PLXNA4: variants seen among roughly 807,000 people sequenced by gnomAD.
PLXNA4 encodes plexin-A4.
Under a neutral mutation model 191.8 loss-of-function variants are expected in PLXNA4, and 44 were observed. The observed-to-expected ratio is 0.23, with a 90% confidence interval of 0.18 to 0.29. The LOEUF (loss-of-function observed/expected upper bound fraction) is 0.29. PLXNA4 is among the 10% of genes least tolerant of loss of function. PLXNA4 has a pLI of 1.00. For synonymous variants in PLXNA4, 1,082 were observed against 1,009.5 expected, an observed-to-expected ratio of 1.07 and a Z score of -1.36; for missense variants, 1,800 against 2,488.8, an observed-to-expected ratio of 0.72 and a Z score of 5.89.
chr7:132,617,489 C>T (rs11771982), intron 2 of PLXNA4, among the ~76,000 whole-genome samples: 17,746 of 152,200 alleles, frequency 0.12, 1,159 homozygotes, highest in Non-Finnish European at 0.15. Flanking sequence ...CTATGTCTTC[C>T]TAATGGTAAG....
At chr7:132,639,269 G>A (rs1257848796) in intron 2 of PLXNA4, among the ~76,000 whole-genome samples, 1 of 152,184 alleles carries the variant, frequency 6.6e-6, no homozygotes, top group Admixed American at 6.5e-5. Flanking sequence ...TTAGGCCTTT[G>A]TGCTAATTTT....
chr7:132,611,938 A>G (rs1162171744), intron 2 of PLXNA4, among the ~76,000 whole-genome samples: 1 of 152,136 alleles, frequency 6.6e-6, no homozygotes, highest in African/African-American at 2.4e-5. Context: ...CTGGAGACCA[A>G]GGCTGCTGAC....
At chr7:132,213,767 C>T (rs1393099468) in intron 9 of PLXNA4, among the ~76,000 whole-genome samples, 1 of 152,108 alleles carries the variant, frequency 6.6e-6, no homozygotes, top group Non-Finnish European at 1.5e-5. Context: ...GGCAGCTTTC[C>T]CTCCCCTGAA....
At position 132,444,596 on chromosome 7, in the gene PLXNA4, G is replaced by T. The variant is rs116548101; in HGVS notation, c.1371+44696C>A. Among the ~76,000 whole-genome samples the T allele has an allele frequency of 4.1e-3, 618 of 152,310 alleles. 2 individuals are homozygous for T. The highest frequency in any genetic ancestry group is 0.014 in the African/African-American group (597 of 41,558). On this transcript the variant is annotated intron_variant, in intron 3 of 31. Coordinates refer to ENST00000321063, the MANE Select transcript of PLXNA4 (RefSeq NM_020911.2). The stretch of plus-strand genomic sequence containing the variant: ...CCTTTGAGTATCTTGAATGGCAGGT[G>T]TCATCTAATGAACATGTAAAGGGAC...
At chr7:132,398,908 A>T (rs973465715) in intron 3 of PLXNA4, among the ~76,000 whole-genome samples, 4 of 152,158 alleles carry the variant, frequency 2.6e-5, no homozygotes, top group African/African-American at 9.7e-5. Flanking sequence ...ACCCCACCTC[A>T]GGACACCCAC....
intron 9 of PLXNA4, among the ~76,000 whole-genome samples, chr7:132,219,121 A>G (rs1001726781): frequency 6.6e-6 from 1 of 152,240 alleles, no homozygotes; most frequent in Non-Finnish European, 1.5e-5. Context: ...ACAAAAGGAC[A>G]CTGTCTGCAT....
intron 3 of PLXNA4, among the ~76,000 whole-genome samples, chr7:132,307,744 T>C (rs1801583057): frequency 2.0e-5 from 3 of 152,182 alleles, no homozygotes; most frequent in South Asian, 2.1e-4. Context: ...GCGTAAACCC[T>C]GCTTCTGTGT....
At chr7:132,557,453 CA>C (rs1375235915) in intron 1 of PLXNA4, among the ~76,000 whole-genome samples, 11 of 151,538 alleles carry the variant, frequency 7.3e-5, no homozygotes, top group African/African-American at 1.7e-4. Flanking sequence ...GAAATGGCGG[CA>C]GGGGGGGACG....
At chr7:132,472,981 C>T (rs916706148) in intron 3 of PLXNA4, among the ~76,000 whole-genome samples, 1 of 152,222 alleles carries the variant, frequency 6.6e-6, no homozygotes, top group African/African-American at 2.4e-5. Flanking sequence ...TAAACATTAT[C>T]ATTGTGGAGT....
chr7:132,311,193 T>TGTGTGTGTGTGTGTGC (rs71178034), intron 3 of PLXNA4, among the ~76,000 whole-genome samples: 29 of 89,908 alleles, frequency 3.2e-4, no homozygotes, highest in African/African-American at 1.0e-3. Flanking sequence ...TGTGTGTGTG[T>TGTGTGTGTGTGTGTGC]GCGCGTGTGG....
intron 30 of PLXNA4, among the ~76,000 whole-genome samples, chr7:132,140,278 T>TG (rs1035066091): frequency 1.6e-4 from 24 of 152,258 alleles, no homozygotes; most frequent in African/African-American, 4.3e-4. Flanking sequence ...ATTTATTTTT[T>TG]GGGGGGTGGG....
At chr7:132,586,333 GA>G (rs1234183285) in intron 2 of PLXNA4, among the ~76,000 whole-genome samples, 1 of 152,194 alleles carries the variant, frequency 6.6e-6, no homozygotes, top group East Asian at 1.9e-4. Context: ...CCATCCTAAA[GA>G]AAAAGAAACT....
intron 4 of PLXNA4, among the ~76,000 whole-genome samples, chr7:132,277,736 C>A (rs769973874): frequency 1.3e-5 from 2 of 152,324 alleles, no homozygotes; most frequent in Middle Eastern, 3.4e-3. Flanking sequence ...TCTTCCCTGA[C>A]CTTGAGGCTT....
At chr7:132,380,520 A>G (rs1356073946) in intron 3 of PLXNA4, among the ~76,000 whole-genome samples, 7 of 152,170 alleles carry the variant, frequency 4.6e-5, no homozygotes, top group Non-Finnish European at 1.0e-4. Flanking sequence ...GTGTGTTCCT[A>G]AAGTATGGAT....
At chr7:132,543,317 T>C (rs1490628492) in intron 1 of PLXNA4, among the ~76,000 whole-genome samples, 1 of 152,246 alleles carries the variant, frequency 6.6e-6, no homozygotes, top group Non-Finnish European at 1.5e-5. Context: ...GGACTCCAGC[T>C]TGTGTCCTGT....
chr7:132,609,650 A>G (rs1231578204), intron 2 of PLXNA4, among the ~76,000 whole-genome samples: 1 of 152,202 alleles, frequency 6.6e-6, no homozygotes, highest in Admixed American at 6.5e-5. Context: ...TCCTCACTTT[A>G]TAGGTGAATA....
chr7:132,418,809 A>G (rs1185131879), intron 3 of PLXNA4, among the ~76,000 whole-genome samples: 6 of 152,232 alleles, frequency 3.9e-5, no homozygotes, highest in Admixed American at 3.3e-4. Context: ...TGAGAGGCAG[A>G]GGGTGTAACC....
chr7:132,551,040 G>A (rs1800539648), intron 1 of PLXNA4, among the ~76,000 whole-genome samples: 1 of 151,922 alleles, frequency 6.6e-6, no homozygotes, highest in Non-Finnish European at 1.5e-5. Context: ...CCCACTTCTG[G>A]GCCTCTGCCT....
At chr7:132,556,226 C>A (rs1341024419) in intron 1 of PLXNA4, among the ~76,000 whole-genome samples, 2 of 152,230 alleles carry the variant, frequency 1.3e-5, no homozygotes, top group Admixed American at 1.3e-4. Flanking sequence ...TTTTACCACA[C>A]CCTGGGGCCA....
Sources: allele counts gnomAD v4.1 joint callset (sites outside exome capture counted in the v4.1 genomes callset), GRCh38; gene constraint gnomAD v4.1.1; transcripts MANE v1.5; gene names NCBI Gene and HGNC (gene_info 2026-07-23, HGNC 2026-07-21).